CDH13: variants seen among roughly 807,000 people sequenced by gnomAD.
CDH13 encodes the protein cadherin 13.
A neutral mutation model predicts 63.8 loss-of-function variants in CDH13; 24 were observed. The ratio of observed to expected loss-of-function variants is 0.38; its 90% confidence interval spans 0.27 to 0.53. CDH13 has a LOEUF of 0.53. Among genes scored for constraint, CDH13 ranks in the 20% least tolerant of loss-of-function variants. The probability of loss-of-function intolerance (pLI) is 0.85; values close to 1 mark genes in which losing one functional copy is unlikely to be tolerated. For missense variants in CDH13, 1,049 were observed against 903.1 expected (o/e 1.16, Z -2.07); for synonymous variants, 503 against 355.3 (o/e 1.42, Z -4.67).
intron 8 of CDH13, among the ~76,000 whole-genome samples, chr16:83,666,612 C>A (rs1030589862): frequency 2.0e-5 from 3 of 152,214 alleles, no homozygotes; most frequent in Non-Finnish European, 4.4e-5. Context: ...CTCTCTGGCT[C>A]TCCCCTTCAT....
At chr16:83,773,480 G>A (rs935439773) in intron 11 of CDH13, among the ~76,000 whole-genome samples, 1 of 152,132 alleles carries the variant, frequency 6.6e-6, no homozygotes, top group Non-Finnish European at 1.5e-5. Flanking sequence ...GTGCTAGCAG[G>A]TTAAATGCCA....
chr16:83,247,147 G>A (rs79186782), intron 5 of CDH13, among the ~76,000 whole-genome samples: 1 of 152,164 alleles, frequency 6.6e-6, no homozygotes, highest in Non-Finnish European at 1.5e-5. Context: ...CCATCCTGGG[G>A]AGGTGGGAAG....
intron 5 of CDH13, among the ~76,000 whole-genome samples, chr16:83,276,772 G>A (rs1015723500): frequency 2.6e-5 from 4 of 152,186 alleles, no homozygotes; most frequent in African/African-American, 9.7e-5. Flanking sequence ...TCGGGAGGCT[G>A]AGGCAGAAGA....
intron 5 of CDH13, among the ~76,000 whole-genome samples, chr16:83,299,304 A>G (rs949926579): frequency 3.9e-5 from 6 of 152,154 alleles, no homozygotes; most frequent in African/African-American, 1.4e-4. Context: ...AAAAAAAAAA[A>G]AAAGATGAAT....
chr16:82,718,148 C>G (rs1421024412), intron 1 of CDH13, among the ~76,000 whole-genome samples: 1 of 152,154 alleles, frequency 6.6e-6, no homozygotes. Flanking sequence ...GAGTTGCTTT[C>G]AAGCAGTTGC....
In CDH13 at chr16:83,476,955, T is replaced by TA. The variant is rs143646406; in HGVS notation, c.782-9522_782-9521insA. On this transcript the variant is annotated intron_variant, in intron 6 of 13. Transcript: ENST00000567109. ...TGGTAGATAAAAAGATTAAGTGGAA[T>TA]TTTTAAGGGGTGTAAGAAAAATCTT... Among the ~76,000 whole-genome samples the TA allele has an allele frequency of 9.1e-3, 1,390 of 152,334 alleles. 15 individuals are homozygous for TA. Among genetic ancestry groups the TA allele is most frequent in the African/African-American group, 0.032 (1,322 of 41,568 alleles).
At chr16:83,009,485 C>G (rs1414480846) in intron 2 of CDH13, among the ~76,000 whole-genome samples, 1 of 152,108 alleles carries the variant, frequency 6.6e-6, no homozygotes, top group Non-Finnish European at 1.5e-5. Flanking sequence ...CCAGACAATT[C>G]TAGACAGCAG....
intron 5 of CDH13, among the ~76,000 whole-genome samples, chr16:83,327,995 T>C (rs2090402223): frequency 6.6e-6 from 1 of 151,222 alleles, no homozygotes; most frequent in African/African-American, 2.4e-5. Flanking sequence ...TAGCAGGGTG[T>C]GGTGGTGGGT....
intron 5 of CDH13, among the ~76,000 whole-genome samples, chr16:83,329,085 T>C (rs2090428830): frequency 6.6e-6 from 1 of 152,226 alleles, no homozygotes; most frequent in Non-Finnish European, 1.5e-5. Flanking sequence ...CACAAATCTC[T>C]GGGCCACTGT....
intron 3 of CDH13, among the ~76,000 whole-genome samples, chr16:83,093,545 C>A (rs1011601649): frequency 6.6e-6 from 1 of 151,964 alleles, no homozygotes; most frequent in Non-Finnish European, 1.5e-5. Context: ...GTCTCGAACT[C>A]CTGACCTCAG....
chr16:82,942,115 A>T (rs778875004), intron 2 of CDH13, among the ~76,000 whole-genome samples: 1 of 152,176 alleles, frequency 6.6e-6, no homozygotes, highest in Non-Finnish European at 1.5e-5. Context: ...AAATATTTGC[A>T]TACCCCAAGG....
chr16:83,294,225 C>G (rs1352171277), intron 5 of CDH13, among the ~76,000 whole-genome samples: 1 of 152,102 alleles, frequency 6.6e-6, no homozygotes, highest in African/African-American at 2.4e-5. Flanking sequence ...GTCACAGTTA[C>G]TATTTTTGTG....
intron 6 of CDH13, among the ~76,000 whole-genome samples, chr16:83,459,135 A>T (rs1418401341): frequency 6.6e-6 from 1 of 152,230 alleles, no homozygotes; most frequent in African/African-American, 2.4e-5. Context: ...ATTATATATG[A>T]GCTTCCCATT....
chr16:83,242,850 C>T lies in CDH13; in HGVS notation c.636+25353C>T, dbSNP rs150908136. 2.7e-3 allele frequency among the ~76,000 whole-genome samples: 414 copies of T among 152,306 alleles called. 3 individuals are homozygous for T. Among genetic ancestry groups the T allele is most frequent in the Admixed American group, 0.019 (292 of 15,304 alleles). On this transcript the variant is annotated intron_variant, in intron 5 of 13. Coordinates refer to ENST00000567109, the MANE Select transcript of CDH13 (RefSeq NM_001257.5). Reference sequence around the variant, plus strand: ...GACATATCAGTCACTTTCTCACTTCCCCTGACTCAGCTGGATTCTCATCTT... The same window carrying T: ...GACATATCAGTCACTTTCTCACTTCTCCTGACTCAGCTGGATTCTCATCTT...
At chr16:82,810,388 C>A (rs530779943) in intron 1 of CDH13, among the ~76,000 whole-genome samples, 1 of 152,066 alleles carries the variant, frequency 6.6e-6, no homozygotes, top group Admixed American at 6.6e-5. Context: ...GGTACAGCTA[C>A]CAGAAAAGCA....
intron 6 of CDH13, among the ~76,000 whole-genome samples, chr16:83,430,182 C>T (rs1181458181): frequency 6.6e-6 from 1 of 152,202 alleles, no homozygotes; most frequent in Non-Finnish European, 1.5e-5. Flanking sequence ...GTGTTCACCA[C>T]AGCAGTACTC....
chr16:83,630,338 A>T (rs1036387107), intron 8 of CDH13, among the ~76,000 whole-genome samples: 3 of 152,212 alleles, frequency 2.0e-5, no homozygotes, highest in African/African-American at 7.2e-5. Context: ...AAGGTTAAGG[A>T]CATACCCATA....
At chr16:83,115,703 T>C (rs2035260562) in intron 3 of CDH13, among the ~76,000 whole-genome samples, 1 of 152,248 alleles carries the variant, frequency 6.6e-6, no homozygotes, top group Non-Finnish European at 1.5e-5. Flanking sequence ...TTTCAGCTTC[T>C]GCAATGCTTT....
chr16:83,132,183 C>G (rs573181015), intron 4 of CDH13, among the ~76,000 whole-genome samples: 35 of 152,232 alleles, frequency 2.3e-4, no homozygotes, highest in African/African-American at 7.7e-4. Context: ...TCCTTAGAGG[C>G]TGAACCAGAA....
Sources: allele counts gnomAD v4.1 joint callset (sites outside exome capture counted in the v4.1 genomes callset), GRCh38; gene constraint gnomAD v4.1.1; transcripts MANE v1.5; gene names NCBI Gene and HGNC (gene_info 2026-07-23, HGNC 2026-07-21).